CACNB2: variants seen among roughly 807,000 people sequenced by gnomAD.
CACNB2 encodes calcium voltage-gated channel auxiliary subunit beta 2.
In CACNB2, 42 loss-of-function variants were observed where a neutral mutation model predicts 73.3. The ratio of observed to expected loss-of-function variants is 0.57; its 90% CI spans 0.45 to 0.74. CACNB2 has a LOEUF of 0.74. CACNB2 is among the 30% of genes least tolerant of loss of function. The pLI, the probability that CACNB2 is intolerant of heterozygous loss-of-function variation, is 0.00. For synonymous variants in CACNB2, 348 were observed against 310.3 expected (o/e 1.12, Z -1.28); for missense variants, 940 against 853.0 (o/e 1.10, Z -1.27).
intron 7 of CACNB2, among the ~76,000 whole-genome samples, chr10:18,517,451 A>G (rs1260290063): frequency 6.6e-6 from 1 of 152,204 alleles, no homozygotes; most frequent in African/African-American, 2.4e-5. Context: ...AGAAATTGCT[A>G]CAAAATTTAG....
At chr10:18,159,118 T>C (rs1052914551) in intron 2 of CACNB2, among the ~76,000 whole-genome samples, 12 of 152,028 alleles carry the variant, frequency 7.9e-5, no homozygotes, top group African/African-American at 1.2e-4. Context: ...GCTACATTTA[T>C]GTACCTGGCA....
intron 2 of CACNB2, among the ~76,000 whole-genome samples, chr10:18,170,312 A>T (rs1311746204): frequency 6.6e-6 from 1 of 152,214 alleles, no homozygotes; most frequent in Admixed American, 6.5e-5. Context: ...AATGAAGTTG[A>T]CCTGAGAGCT....
intron 2 of CACNB2, among the ~76,000 whole-genome samples, chr10:18,310,605 CAAAAAAAAA>C (rs1157466238): frequency 0.021 from 792 of 36,908 alleles, 12 homozygotes; most frequent in Middle Eastern, 0.045. Context: ...AACTCCATCT[CAAAAAAAAA>C]AAAAAAAAAA....
intron 2 of CACNB2, among the ~76,000 whole-genome samples, chr10:18,385,395 A>G (rs953455989): frequency 7.3e-6 from 1 of 137,126 alleles, no homozygotes; most frequent in Non-Finnish European, 1.5e-5. Context: ...CAGGTTTTAA[A>G]AATGTGCAGC....
intron 2 of CACNB2, among the ~76,000 whole-genome samples, chr10:18,328,205 A>G (rs553704129): frequency 3.3e-5 from 5 of 152,348 alleles, no homozygotes; most frequent in South Asian, 4.1e-4. Context: ...GAGAATTTAC[A>G]TGGCCCTAAA....
At chr10:18,294,110 A>G (rs1201492606) in intron 2 of CACNB2, among the ~76,000 whole-genome samples, 1 of 152,320 alleles carries the variant, frequency 6.6e-6, no homozygotes, top group East Asian at 1.9e-4. Context: ...CAGTGGTGAC[A>G]GAAGATCATG....
intron 2 of CACNB2, among the ~76,000 whole-genome samples, chr10:18,171,215 T>C (rs1334150897): frequency 1.3e-5 from 2 of 152,192 alleles, no homozygotes; most frequent in African/African-American, 4.8e-5. Flanking sequence ...TTCTAGCATG[T>C]TTCACTCAAT....
chr10:18,398,243 A>C (rs922268781), intron 2 of CACNB2, among the ~76,000 whole-genome samples: 1 of 152,238 alleles, frequency 6.6e-6, no homozygotes, highest in Non-Finnish European at 1.5e-5. Flanking sequence ...GGTGACTTTC[A>C]AACATGCAAC....
chr10:18,328,017 G>A (rs763012858), intron 2 of CACNB2, among the ~76,000 whole-genome samples: 1 of 152,146 alleles, frequency 6.6e-6, no homozygotes, highest in African/African-American at 2.4e-5. Flanking sequence ...CTGCCTTAGG[G>A]GTAAGTGGTG....
At chr10:18,381,206 G>C (rs1349861098) in intron 2 of CACNB2, among the ~76,000 whole-genome samples, 1 of 150,752 alleles carries the variant, frequency 6.6e-6, no homozygotes, top group Non-Finnish European at 1.5e-5. Flanking sequence ...CGCCTCTCCT[G>C]CCTACTAGAT....
chr10:18,287,714 G>T (rs1414249440), intron 2 of CACNB2, among the ~76,000 whole-genome samples: 7 of 152,294 alleles, frequency 4.6e-5, no homozygotes, highest in Non-Finnish European at 8.8e-5. Context: ...GGCTGGGCAC[G>T]ATGGCACGCC....
chr10:18,502,713 A>AAAAC (rs2050271384), intron 5 of CACNB2, among the ~76,000 whole-genome samples: 1 of 117,208 alleles, frequency 8.5e-6, no homozygotes, highest in Non-Finnish European at 1.7e-5. Context: ...AAAAAAAAAA[A>AAAAC]AAAAAAAAAA....
Position 18,187,624 on chromosome 10 carries a change from G to A in CACNB2, c.213+36649G>A, listed in dbSNP as rs151191846. 5.5e-3 allele frequency among the ~76,000 whole-genome samples: 842 copies of A among 152,050 alleles called. 6 individuals carry two copies. The highest frequency in any genetic ancestry group is 0.01 in the Non-Finnish European group (686 of 67,980). Reference sequence around the variant, plus strand: ...ATCATCTAGTGAAATTTTAGAGAAGGCATTTAACTGTATTATACACCATGG... The same window carrying A: ...ATCATCTAGTGAAATTTTAGAGAAGACATTTAACTGTATTATACACCATGG... On this transcript the variant is annotated intron_variant, in intron 2 of 13. Transcript: ENST00000324631.
chr10:18,239,955 T>A (rs1300538331), intron 2 of CACNB2, among the ~76,000 whole-genome samples: 7 of 152,214 alleles, frequency 4.6e-5, no homozygotes, highest in African/African-American at 1.7e-4. Context: ...GATTCTCATG[T>A]CTTCTCATAT....
chr10:18,184,401 A>T (rs936226651), intron 2 of CACNB2, among the ~76,000 whole-genome samples: 3 of 152,216 alleles, frequency 2.0e-5, no homozygotes, highest in African/African-American at 7.2e-5. Context: ...TGAAGATGGT[A>T]CAGAAATCTC....
chr10:18,180,241 C>T (rs909461289), intron 2 of CACNB2, among the ~76,000 whole-genome samples: 4 of 152,098 alleles, frequency 2.6e-5, no homozygotes, highest in Non-Finnish European at 4.4e-5. Flanking sequence ...ACATACCGCA[C>T]ATCACTCTGG....
At chr10:18,455,685 A>T (rs572730235) in intron 3 of CACNB2, among the ~76,000 whole-genome samples, 1 of 152,338 alleles carries the variant, frequency 6.6e-6, no homozygotes, top group Admixed American at 6.5e-5. Context: ...AGGTTAAGGC[A>T]CTAAGGTTCC....
In CACNB2 at chr10:18,336,856, G is replaced by A. The variant is rs144369360; in HGVS notation, c.214-65068G>A. Among the ~76,000 whole-genome samples the A allele has an allele frequency of 1.8e-3, 279 of 152,242 alleles. 2 individuals are homozygous for A. Among genetic ancestry groups the A allele is most frequent in the African/African-American group, 5.9e-3 (245 of 41,548 alleles). ...AGAAAATTAGATAATCCTTGGTTGC[G>A]TGTTAGACACTTAAACTTTATTTGA... is the stretch of plus-strand genomic sequence containing the variant. On this transcript the variant is annotated intron_variant, in intron 2 of 13. Transcript: ENST00000324631.
In CACNB2 at chr10:18,383,189, A is replaced by C. The variant is rs573360638; in HGVS notation, c.214-18735A>C. Among the ~76,000 whole-genome samples, 6 of 152,348 alleles carry C rather than the reference A, an allele frequency of 3.9e-5. No homozygotes were observed. In the South Asian group the frequency reaches 1.2e-3, roughly 32 times the overall value. On this transcript the variant is annotated intron_variant, in intron 2 of 13. Transcript: ENST00000324631. ...CACATACTTTATTCTGTTAGCTACA[A>C]ATATTTATTCTGGTACAGGATGTGT... is the stretch of plus-strand genomic sequence containing the variant.
Sources: allele counts gnomAD v4.1 joint callset (sites outside exome capture counted in the v4.1 genomes callset), GRCh38; gene constraint gnomAD v4.1.1; transcripts MANE v1.5; gene names NCBI Gene and HGNC (gene_info 2026-07-23, HGNC 2026-07-21).